Variants in MYPOP observed in about 807,000 individuals in gnomAD.
MYPOP encodes myb-related transcription factor, partner of profilin.
MYPOP carries 21 observed loss-of-function variants against 25.7 expected under a neutral mutation model. That is an observed-to-expected ratio of 0.82 (90% CI 0.58 to 1.18). MYPOP has a LOEUF of 1.18. MYPOP is among the 50% of genes most tolerant of loss of function. The pLI is 0.00. For synonymous variants in MYPOP, 280 were observed against 247.9 expected (o/e 1.13, Z -1.22); for missense variants, 566 against 588.3 (o/e 0.96, Z 0.39).
chr19:45,901,439 T>G lies in MYPOP; in HGVS notation c.335A>C (p.Glu112Ala). 3 of 1,590,656 alleles carry G rather than the reference T, an allele frequency of 1.9e-6. No homozygotes were observed. The highest frequency in any genetic ancestry group is 2.6e-6 in the Non-Finnish European group (3 of 1,168,592). The change falls in exon 2 of 3, where the codon GAA becomes GCA. Residue 112 changes from glutamate to alanine, a missense_variant. By Grantham distance (107) the Glu-to-Ala change is moderately radical. Transcript: ENST00000322217. This position sits in a 1 kb window ranked among gnomAD's most constrained non-coding sequence, Gnocchi z 5.7. ...GPAAEDAFSA[E>A]EETIFAILGP... ...CAGGATGGCAAAAATGGTCTCCTCT[T>G]CCGCGGAGAAAGCGTCCTCCGCGGC...
At chr19:45,898,475 C>T (rs555362312) in intron 2 of MYPOP, among the ~76,000 whole-genome samples, 1 of 151,942 alleles carries the variant, frequency 6.6e-6, no homozygotes, top group Non-Finnish European at 1.5e-5. Context: ...AGGCATGCGC[C>T]ACCACGCGTG....
At chr19:45,900,294 G>A (rs907745437) in intron 2 of MYPOP, among the ~76,000 whole-genome samples, 2 of 152,056 alleles carry the variant, frequency 1.3e-5, no homozygotes, top group South Asian at 2.1e-4. Context: ...TCTTTTCCCC[G>A]CAACTTCTTT....
rs775073601 is a variant in MYPOP at position 45,890,626 on chromosome 19, C to G, written c.1197G>C (p.Pro399=). 1.9e-6 allele frequency: 3 copies of G among 1,609,048 alleles called. No individual in the cohort carries two copies. The highest frequency in any genetic ancestry group is 2.5e-6 in the Non-Finnish European group (3 of 1,178,596). The change falls in exon 3 of 3, where the codon CCG becomes CCC. Residue 399 remains proline (P), a synonymous_variant. Coordinates refer to ENST00000322217, the MANE Select transcript of MYPOP (RefSeq NM_001012643.4). ...GCAGGATCATAGATAGTAGATTTCA[C>G]GGAGATTTCCATCGGCCGCGCCTTT... is the stretch of plus-strand genomic sequence containing the variant. ...TRKRRGRWKS[P]
chr19:45,891,349 G>A (rs751105599), intron 2 of MYPOP, 26 bp from the exon 3 acceptor site: 1 of 1,450,822 alleles, frequency 6.9e-7, no homozygotes, highest in South Asian at 1.4e-5. Context: ...TACAGGTAAG[G>A]GGTGAGCGAC....
At position 45,890,521 on chromosome 19, in the gene MYPOP, G is replaced by A. The variant is rs1967101267; in HGVS notation, c.*102C>T. The A allele has an allele frequency of 2.0e-6, 3 of 1,520,810 alleles. No individual in the cohort carries two copies. Among genetic ancestry groups the A allele is most frequent in the Admixed American group, 1.9e-5 (1 of 51,580 alleles). The allele number at this position is 1,520,810 out of a possible 1,614,324, so 94.2% of individuals were successfully genotyped here. On this transcript the variant is annotated 3_prime_UTR_variant, in exon 3 of 3. Coordinates refer to ENST00000322217, the MANE Select transcript of MYPOP (RefSeq NM_001012643.4). ...GGGAGTGGGTGCTCACATCCCTGGA[G>A]CAGGGAGCTAGGGTGCAGCTGGGAT...
intron 2 of MYPOP, among the ~76,000 whole-genome samples, chr19:45,892,805 C>A (rs1967144742): frequency 1.3e-5 from 2 of 152,196 alleles, no homozygotes; most frequent in African/African-American, 4.8e-5. Flanking sequence ...CCACCAGGAC[C>A]ACTGCAGTCA....
At chr19:45,893,853 G>A (rs1037870673) in intron 2 of MYPOP, among the ~76,000 whole-genome samples, 3 of 148,364 alleles carry the variant, frequency 2.0e-5, no homozygotes, top group Non-Finnish European at 4.5e-5. Context: ...GCAGTGGCGC[G>A]ATCTCAGCTC....
chr19:45,899,406 TGGCCATCTCTGCTCTGGTCCTATGG>T lies in MYPOP; in HGVS notation c.499+1844_499+1868del, dbSNP rs200446571. 9.8e-5 allele frequency among the ~76,000 whole-genome samples: 15 copies of T among 152,304 alleles called. No individual in the cohort carries two copies. The East Asian group carries it at 2.5e-3, about 25-fold the overall frequency. On this transcript the variant is annotated intron_variant, in intron 2 of 2. Transcript: ENST00000322217. ...GTAACAAGTTTCTGAAAAAATAAGTTGGCCATCTCTGCTCTGGTCCTATGGGGCCATCTCACAGATGGAAACACTG... is the reference window on the plus strand; with the variant it reads ...GTAACAAGTTTCTGAAAAAATAAGTTGGCCATCTCACAGATGGAAACACTG...
At position 45,891,187 on chromosome 19, in the gene MYPOP, C is replaced by T; in HGVS notation, c.636G>A (p.Gln212=). 6.5e-7 allele frequency: 1 copy of T among 1,527,436 alleles called. No individual in the cohort carries two copies. The highest frequency in any genetic ancestry group is 8.8e-7 in the Non-Finnish European group (1 of 1,141,850). The allele number at this position is 1,527,436 out of a possible 1,614,324, so 94.6% of individuals were successfully genotyped here. A position where few individuals can be genotyped will look rare whatever the true frequency, so the allele number is the denominator to read the frequency against. ...SPPPSALQPV[Q]LPRLALSPPP... Reference sequence around the variant, plus strand: ...GTGGAGACAAGGCCAGGCGAGGCAGCTGGACCGGCTGCAGGGCCGAAGGGG... The same window carrying T: ...GTGGAGACAAGGCCAGGCGAGGCAGTTGGACCGGCTGCAGGGCCGAAGGGG... The change falls in exon 3 of 3, where the codon CAG becomes CAA. Residue 212 remains glutamine, a synonymous_variant. Coordinates refer to ENST00000322217, the MANE Select transcript of MYPOP (RefSeq NM_001012643.4).
chr19:45,891,911 A>G (rs1334163531), intron 2 of MYPOP, among the ~76,000 whole-genome samples: 6 of 151,928 alleles, frequency 3.9e-5, no homozygotes, highest in Non-Finnish European at 8.8e-5. Flanking sequence ...AAGAGCCAAC[A>G]GTTTTTTTAT....
chr19:45,893,789 C>CTT (rs60440195), intron 2 of MYPOP, among the ~76,000 whole-genome samples: 13 of 134,864 alleles, frequency 9.6e-5, no homozygotes, highest in East Asian at 6.5e-4. Flanking sequence ...TTTTATTTTA[C>CTT]TTTTTTTTTT....
chr19:45,901,170 G>A lies in MYPOP; in HGVS notation c.499+105C>T, dbSNP rs35633692. ...CTTCAGTTTCCCTAGCTATAAAATGGGGCGAAGGACAGCATCCACCTCACA... is the reference window on the plus strand; with the variant it reads ...CTTCAGTTTCCCTAGCTATAAAATGAGGCGAAGGACAGCATCCACCTCACA... On this transcript the variant is annotated intron_variant, in intron 2 of 2. Coordinates refer to ENST00000322217, the MANE Select transcript of MYPOP (RefSeq NM_001012643.4). The surrounding 1 kb of genome is among the most constrained non-coding windows in gnomAD (Gnocchi z 5.7). The A allele has an allele frequency of 0.22, 238,057 of 1,070,470 alleles. 28,833 individuals carry two copies. Among genetic ancestry groups the A allele is most frequent in the South Asian group, 0.23 (8,154 of 35,670 alleles). 66.3% of individuals were successfully genotyped at this position (1,070,470 alleles called of 1,614,324 possible).
At chr19:45,894,217 A>G (rs1420198419) in intron 2 of MYPOP, among the ~76,000 whole-genome samples, 4 of 150,482 alleles carry the variant, frequency 2.7e-5, no homozygotes, top group African/African-American at 9.8e-5. Context: ...GGTTCACACC[A>G]TTCTCCTGCC....
chr19:45,898,483 G>A (rs1467842275), intron 2 of MYPOP, among the ~76,000 whole-genome samples: 3 of 151,228 alleles, frequency 2.0e-5, no homozygotes, highest in Non-Finnish European at 2.9e-5. Flanking sequence ...GCCACCACGC[G>A]TGGCTAATTT....
chr19:45,890,761 T>C lies in MYPOP; in HGVS notation c.1062A>G (p.Gly354=), dbSNP rs1967107830. Residue 354 remains glycine (G), a synonymous_variant, in exon 3 of 3, where the codon GGA becomes GGG. Coordinates refer to ENST00000322217, the MANE Select transcript of MYPOP (RefSeq NM_001012643.4). ...CCTCGCTCCTTGGGGCAATGATCAC[T>C]CCCCTGGCTGCCACCACTGCCCCGT... ...VVDGAVVAAR[G]VIIAPRSEEG... The C allele has an allele frequency of 6.5e-7, 1 of 1,534,414 alleles. No homozygotes were observed. The highest frequency in any genetic ancestry group is 1.4e-5 in the African/African-American group (1 of 72,490).
At chr19:45,892,002 C>T (rs1182572311) in intron 2 of MYPOP, among the ~76,000 whole-genome samples, 1 of 151,848 alleles carries the variant, frequency 6.6e-6, no homozygotes, top group Non-Finnish European at 1.5e-5. Context: ...TCACTGCAAC[C>T]TCTGTCTTCC....
Position 45,890,486 on chromosome 19 carries a change from A to C in MYPOP, c.*137T>G. On this transcript the variant is annotated 3_prime_UTR_variant, in exon 3 of 3. Transcript: ENST00000322217. ...GGCCCCCCCCAGAGAATCAGGCACT[A>C]ACTAGCACAGGGAGTGGGTGCTCAC... The C allele has an allele frequency of 1.4e-6, 2 of 1,410,702 alleles. No individual in the cohort carries two copies. Among genetic ancestry groups the C allele is most frequent in the Non-Finnish European group, 9.4e-7 (1 of 1,063,714 alleles). 87.4% of individuals were successfully genotyped at this position (1,410,702 alleles called of 1,614,324 possible).
intron 2 of MYPOP, among the ~76,000 whole-genome samples, chr19:45,893,600 A>T (rs903768319): frequency 6.0e-5 from 9 of 149,712 alleles, no homozygotes; most frequent in African/African-American, 2.0e-4. Context: ...GCAAATCTAT[A>T]GAAACAGAAA....
intron 2 of MYPOP, among the ~76,000 whole-genome samples, chr19:45,900,719 C>G (rs1039927108): frequency 6.6e-6 from 1 of 152,104 alleles, no homozygotes; most frequent in Non-Finnish European, 1.5e-5. Flanking sequence ...GGGAAAATTA[C>G]CAAACATGTC....
Sources: gnomAD v4.1 joint callset for allele counts (sites outside exome capture counted in the v4.1 genomes callset) on GRCh38, gnomAD v4.1.1 for gene constraint, Gnocchi (gnomAD v3.1) non-coding constraint, MANE v1.5 for transcripts, NCBI Gene and HGNC (gene_info 2026-07-23, HGNC 2026-07-21) for gene names.